The following NUP188 variants were observed in gnomAD, a reference collection of about 807,000 sequenced individuals.
NUP188 encodes the protein nucleoporin NUP188.
NUP188 carries 97 observed loss-of-function variants against 223.0 expected under a neutral mutation model. The ratio of observed to expected loss-of-function variants is 0.43; its 90% confidence interval spans 0.37 to 0.51. The LOEUF (loss-of-function observed/expected upper bound fraction) is 0.51, where lower values mean the gene tolerates loss of function less well. NUP188 is among the 20% of genes least tolerant of loss of function. The probability of loss-of-function intolerance (pLI) is 0.00; values close to 1 mark genes in which losing one functional copy is unlikely to be tolerated. For synonymous variants in NUP188, 869 were observed against 828.0 expected, an observed-to-expected ratio of 1.05 and a Z score of -0.85; for missense variants, 1,947 against 2,175.6, an observed-to-expected ratio of 0.89 and a Z score of 2.09.
rs760298787 is a variant in NUP188, at chr9:128,984,942, G to C, written c.2004G>C (p.Met668Ile). The change falls in exon 20 of 44, where the codon ATG becomes ATC. Residue 668 changes from methionine (M) to isoleucine (I), a missense_variant. Physicochemically the swap from Met to Ile is conservative, Grantham distance 10. Around this residue, in one of 3 missense-constraint regions of NUP188, gnomAD observed 817 missense variants for 865.8 expected, o/e 0.94. Coordinates refer to ENST00000372577, the MANE Select transcript of NUP188 (RefSeq NM_015354.3). Reference protein sequence around the residue: ...MNAGGYGNLLMNSEQPQGEYG... With the variant: ...MNAGGYGNLLINSEQPQGEYG... ...CTGGAGGGTACGGAAACCTCTTGAT[G>C]AACAGTGAACAGCCTCAGGGCGAGT... 7 of 1,613,922 alleles carry C rather than the reference G, an allele frequency of 4.3e-6. No homozygotes were observed. The highest frequency in any genetic ancestry group is 5.1e-6 in the Non-Finnish European group (6 of 1,179,910).
intron 1 of NUP188, chr9:128,948,015 C>T (rs1002414272): frequency 1.9e-5 from 7 of 365,626 alleles, no homozygotes; most frequent in Middle Eastern, 6.9e-4. Flanking sequence ...GGCCCTTTGC[C>T]TTCCTCCTCT....
At chr9:128,981,941 G>T (rs1478707853) in intron 15 of NUP188, among the ~76,000 whole-genome samples, 1 of 152,024 alleles carries the variant, frequency 6.6e-6, no homozygotes, top group Non-Finnish European at 1.5e-5. Context: ...GTCGGGCGTG[G>T]TGGTGCATGC....
intron 20 of NUP188, among the ~76,000 whole-genome samples, chr9:128,985,659 T>A (rs1842322746): frequency 6.6e-6 from 1 of 152,224 alleles, no homozygotes; most frequent in Non-Finnish European, 1.5e-5. Context: ...CTATATGGTC[T>A]CTACCTCATG....
rs769593051 is a variant in NUP188 at position 128,993,267 on chromosome 9, G to A, written c.2711G>A (p.Arg904Gln). The A allele has an allele frequency of 3.1e-6, 5 of 1,614,162 alleles. No individual in the cohort carries two copies. Among genetic ancestry groups the A allele is most frequent in the South Asian group, 1.1e-5 (1 of 91,076 alleles). Reference protein sequence around the residue: ...AAAIRDAFLTRLQSKIEDMRI... With the variant: ...AAAIRDAFLTQLQSKIEDMRI... ...GCCATTCGTGATGCCTTCCTGACCC[G>A]ATTGCAGAGCAAAATTGAGGACATG... is the stretch of plus-strand genomic sequence containing the variant. The change falls in exon 26 of 44, where the codon CGA becomes CAA. Residue 904 changes from arginine (R) to glutamine (Q), a missense_variant. Around this residue, in one of 3 missense-constraint regions of NUP188, gnomAD observed 225 missense variants for 319.1 expected, o/e 0.71. Coordinates refer to ENST00000372577, the MANE Select transcript of NUP188 (RefSeq NM_015354.3).
chr9:128,993,491 G>C (rs923072636), intron 26 of NUP188, 34 bp from the exon 27 acceptor site: 2 of 1,613,222 alleles, frequency 1.2e-6, no homozygotes, highest in East Asian at 4.5e-5. Flanking sequence ...GGCAGTGGCT[G>C]TGGAACTGAA....
Position 129,006,929 on chromosome 9 carries a change from T to C in NUP188, c.*251T>C. 1 of 400,994 alleles carries C rather than the reference T, an allele frequency of 2.5e-6. No individual in the cohort carries two copies. Among genetic ancestry groups the C allele is most frequent in the African/African-American group, 2.1e-5 (1 of 48,472 alleles). 24.8% of individuals were successfully genotyped at this position (400,994 alleles called of 1,614,324 possible). ...CGCTGCAGACGCCCCCTAGAGGAAC[T>C]TTCCTTCCTTTCCAGCATTCCCCAC... On this transcript the variant is annotated 3_prime_UTR_variant, in exon 44 of 44. Coordinates refer to ENST00000372577, the MANE Select transcript of NUP188 (RefSeq NM_015354.3).
chr9:128,996,789 A>G (rs1842533740), intron 30 of NUP188, among the ~76,000 whole-genome samples: 1 of 152,118 alleles, frequency 6.6e-6, no homozygotes, highest in Non-Finnish European at 1.5e-5. Flanking sequence ...AAGGAAACCT[A>G]TCTGGCTCTC....
intron 23 of NUP188, 123 bp from the exon 24 acceptor site, chr9:128,987,923 TG>T: frequency 1.6e-6 from 2 of 1,253,070 alleles, no homozygotes; most frequent in Non-Finnish European, 2.3e-6. Flanking sequence ...TAGTTTGGAC[TG>T]GGGCCTCTAA....
intron 5 of NUP188, among the ~76,000 whole-genome samples, chr9:128,957,348 A>G (rs539736574): frequency 1.1e-4 from 17 of 152,308 alleles, no homozygotes; most frequent in African/African-American, 4.1e-4. Flanking sequence ...TTTAAAAAGT[A>G]AAGAATATAT....
rs1564568667 is a variant in NUP188 at position 129,003,331 on chromosome 9, G to A, written c.4311G>A (p.Val1437=). ...TTTCCTCCCAGTGCCTCAACGCAGTGAGGACAGTGCAGAGTCTGGCCTGCC... is the reference window on the plus strand; with the variant it reads ...TTTCCTCCCAGTGCCTCAACGCAGTAAGGACAGTGCAGAGTCTGGCCTGCC... ...QERTLQCLNA[V]RTVQSLACLE... is the part of the protein sequence containing the mutation. The change falls in exon 38 of 44, where the codon GTG becomes GTA. Residue 1437 remains valine, a synonymous_variant. Coordinates refer to ENST00000372577, the MANE Select transcript of NUP188 (RefSeq NM_015354.3). 2 of 1,608,814 alleles carry A rather than the reference G, an allele frequency of 1.2e-6. No homozygotes were observed. The highest frequency in any genetic ancestry group is 1.7e-6 in the Non-Finnish European group (2 of 1,179,024).
intron 6 of NUP188, 81 bp downstream of exon 6, chr9:128,958,135 G>C: frequency 9.1e-7 from 1 of 1,103,324 alleles, no homozygotes; most frequent in Non-Finnish European, 1.4e-6. Context: ...AGCATTGCTG[G>C]CTTTTGACTC....
chr9:128,982,538 TTCTC>T lies in NUP188; in HGVS notation c.1517-6_1517-3del, dbSNP rs755369117. 42 of 1,601,418 alleles carry T rather than the reference TTCTC, an allele frequency of 2.6e-5. 1 individual carries two copies. Among genetic ancestry groups the T allele is most frequent in the Middle Eastern group, 1.7e-4 (1 of 6,014 alleles). ...CCTCAGATATTAGACTAATTTATCT[TTCTC>T]TCTCAGGGGGTCAAACCAACCTTCG... On this transcript the variant is annotated splice_region_variant and splice_polypyrimidine_tract_variant and intron_variant, in intron 15 of 43. Coordinates refer to ENST00000372577, the MANE Select transcript of NUP188 (RefSeq NM_015354.3).
chr9:128,984,985 T>C lies in NUP188; in HGVS notation c.2047T>C (p.Phe683Leu). The C allele has an allele frequency of 6.2e-7, 1 of 1,613,636 alleles. No homozygotes were observed. Residue 683 changes from phenylalanine (F) to leucine (L), a missense_variant, in exon 20 of 44, where the codon TTT (phenylalanine) becomes CTT (leucine). By Grantham distance (22) the Phe-to-Leu change is conservative (BLOSUM62 0). This residue lies in a region of NUP188 where 817 missense variants were observed against 865.8 expected (regional missense o/e 0.94). Transcript: ENST00000372577. ...PQGEYGVTIA[F>L]LRLITTLVKG... ...GGGCGAGTATGGGGTTACTATTGCC[T>C]TTCTGCGCTTGATCACCACCCTTGT...
chr9:128,957,636 T>C (rs980923021), intron 5 of NUP188, among the ~76,000 whole-genome samples: 3 of 152,210 alleles, frequency 2.0e-5, no homozygotes, highest in Non-Finnish European at 2.9e-5. Context: ...GGCTAATTTT[T>C]TGTGTTTTTA....
chr9:128,986,024 A>G (rs902169806), intron 20 of NUP188, among the ~76,000 whole-genome samples: 13 of 152,106 alleles, frequency 8.5e-5, no homozygotes, highest in African/African-American at 2.7e-4. Flanking sequence ...AGGTGCCAAG[A>G]GTGAAACTCC....
At chr9:128,999,594 T>A in intron 33 of NUP188, 30 bp from the exon 34 acceptor site, 1 of 1,601,100 alleles carries the variant, frequency 6.2e-7, no homozygotes, top group Non-Finnish European at 8.6e-7. Flanking sequence ...CTGGTGAGCA[T>A]GACAGTGTCC....
In NUP188 at chr9:129,004,891, AG is replaced by A. The variant is rs1434748430; in HGVS notation, c.4435-255del. 3 of 545,512 alleles carry A rather than the reference AG, an allele frequency of 5.5e-6. No homozygotes were observed. The Admixed American group carries it at 9.6e-5, about 18-fold the overall frequency. The allele number at this position is 545,512 out of a possible 1,614,324, so 33.8% of individuals were successfully genotyped here. ...TCCAGTCCTGAGCCCTGCTGGCCCA[AG>A]TTTGTAGCCCTGAGTACTTAGTGGC... On this transcript the variant is annotated intron_variant, in intron 38 of 43. Coordinates refer to ENST00000372577, the MANE Select transcript of NUP188 (RefSeq NM_015354.3).
chr9:128,998,387 T>C, intron 31 of NUP188, 151 bp from the exon 32 acceptor site: 1 of 942,482 alleles, frequency 1.1e-6, no homozygotes. Context: ...AGCAGAGCTC[T>C]GCTGCTGCCA....
intron 33 of NUP188, 89 bp downstream of exon 33, chr9:128,999,406 C>T: frequency 6.6e-7 from 1 of 1,503,990 alleles, no homozygotes; most frequent in Non-Finnish European, 9.0e-7. Flanking sequence ...TAGGGCCACA[C>T]ATTTCTTCTG....
Sources: gnomAD v4.1 joint callset for allele counts (sites outside exome capture counted in the v4.1 genomes callset) on GRCh38, gnomAD v4.1.1 for gene constraint, gnomAD v4.1.1 regional missense constraint, MANE v1.5 for transcripts, NCBI Gene and HGNC (gene_info 2026-07-23, HGNC 2026-07-21) for gene names.